The following WDR62 variants were observed in gnomAD, a reference collection of about 807,000 sequenced individuals.
WDR62 encodes the protein WD repeat-containing protein 62.
In WDR62, 112 loss-of-function variants were observed where a neutral mutation model predicts 160.6. The ratio of observed to expected loss-of-function variants is 0.70; its 90% confidence interval spans 0.60 to 0.82. The LOEUF (loss-of-function observed/expected upper bound fraction) is 0.82, where lower values mean the gene tolerates loss of function less well. WDR62 is among the 40% of genes least tolerant of loss of function. The pLI, the probability that WDR62 is intolerant of heterozygous loss-of-function variation, is 0.00. For synonymous variants in WDR62, 792 were observed against 815.1 expected (o/e 0.97, Z 0.48); for missense variants, 1,819 against 1,983.8 (o/e 0.92, Z 1.58).
At chr19:36,055,470 C>T (rs1410634275) in intron 1 of WDR62, among the ~76,000 whole-genome samples, 2 of 152,214 alleles carry the variant, frequency 1.3e-5, no homozygotes, top group African/African-American at 4.8e-5. Context: ...TTAGACGTCA[C>T]GATCATAGCT....
chr19:36,061,594 TCA>T (rs1970648980), intron 3 of WDR62: 1 of 152,232 alleles, frequency 6.6e-6, no homozygotes, highest in African/African-American at 2.4e-5. Flanking sequence ...GGCCAGTTCC[TCA>T]CACCTGTGTT....
chr19:36,108,513 C>G (rs887888074), downstream of WDR62, among the ~76,000 whole-genome samples: 4 of 149,690 alleles, frequency 2.7e-5, no homozygotes, highest in African/African-American at 5.1e-5. Context: ...CACCTGAAAC[C>G]CCATTTTGCA....
Position 36,067,873 on chromosome 19 carries a change from G to T in WDR62, c.745G>T (p.Glu249Ter), listed in dbSNP as rs149143413. Residue 249 changes from glutamate to a stop codon, truncating the protein, a stop_gained, in exon 7 of 32, where the codon GAG becomes TAG. Transcript: ENST00000401500. LOFTEE classifies it high-confidence loss of function. ...TGTAGGGCGCTCGGGCATCCTGGGC[G>T]AGCTGCACAACAACATCTTCTGTGG... The part of the protein sequence containing the change: ...PLVGRSGILG[E>*]LHNNIFCGVA... 4 of 1,614,222 alleles carry T rather than the reference G, an allele frequency of 2.5e-6. No individual in the cohort carries two copies. The highest frequency in any genetic ancestry group is 3.4e-6 in the Non-Finnish European group (4 of 1,180,044).
chr19:36,067,931 G>T lies in WDR62; in HGVS notation c.803G>T (p.Ser268Ile), dbSNP rs756848014. The T allele has an allele frequency of 5.0e-6, 8 of 1,614,082 alleles. No homozygotes were observed. The East Asian group carries it at 1.3e-4, about 27-fold the overall frequency. The change falls in exon 7 of 32, where the codon AGT (serine) becomes ATT (isoleucine). Residue 268 changes from serine (S) to isoleucine (I), a missense_variant. Physicochemically the swap from Ser to Ile is moderately radical, Grantham distance 142 (BLOSUM62 -2). Around this residue, in one of 3 missense-constraint regions of WDR62, gnomAD observed 934 missense variants for 1,157.2 expected, o/e 0.81. Transcript: ENST00000401500. Reference sequence around the variant, plus strand: ...TGCGGTCGGGGCCGGATGGCGGGCAGTACCTTCTGTGTGTCCTACTCGGGC... The same window carrying T: ...TGCGGTCGGGGCCGGATGGCGGGCATTACCTTCTGTGTGTCCTACTCGGGC... ...VACGRGRMAG[S>I]TFCVSYSGLL...
In WDR62 at chr19:36,073,467, A is replaced by T. The variant is rs781151383; in HGVS notation, c.1169A>T (p.Asp390Val). The T allele has an allele frequency of 1.9e-6, 3 of 1,614,094 alleles. No homozygotes were observed. Among genetic ancestry groups the T allele is most frequent in the Non-Finnish European group, 2.5e-6 (3 of 1,180,016 alleles). Residue 390 changes from aspartate to valine, a missense_variant, in exon 9 of 32, where the codon GAC becomes GTC. Physicochemically the swap from Asp to Val is radical, Grantham distance 152 (BLOSUM62 -3). Transcript: ENST00000401500. ...AGCATCTACATCTGGGATGTCAAGG[A>T]CATCAACAGAGTGGGCAAGGTGTGG... ...DHSIYIWDVK[D>V]INRVGKVWSE...
chr19:36,084,880 T>C (rs1972118048), intron 12 of WDR62, 136 bp downstream of exon 12: 1 of 793,102 alleles, frequency 1.3e-6, no homozygotes, highest in African/African-American at 1.7e-5. Context: ...AGGGCCCCTG[T>C]AGCTGGACCC....
chr19:36,092,664 G>C, intron 18 of WDR62, 25 bp from the exon 19 acceptor site: 1 of 1,613,668 alleles, frequency 6.2e-7, no homozygotes, highest in Non-Finnish European at 8.5e-7. Context: ...CCTCTGCCTT[G>C]TGTGTCTCTC....
At chr19:36,060,374 G>A (rs1306015649) in intron 3 of WDR62, 7 of 319,480 alleles carry the variant, frequency 2.2e-5, no homozygotes, top group East Asian at 6.4e-5. Context: ...CTCAGGGAAC[G>A]CTGCCTTGAC....
chr19:36,089,846 G>A (rs966595545), intron 15 of WDR62, among the ~76,000 whole-genome samples: 3 of 152,204 alleles, frequency 2.0e-5, no homozygotes, highest in African/African-American at 7.2e-5. Flanking sequence ...GGATGACTAA[G>A]GTGCTGATGT....
Position 36,067,926 on chromosome 19 carries a change from G to A in WDR62, c.798G>A (p.Ala266=), listed in dbSNP as rs777355565. The stretch of plus-strand genomic sequence containing the variant: ...TGGCCTGCGGTCGGGGCCGGATGGC[G>A]GGCAGTACCTTCTGTGTGTCCTACT... ...CGVACGRGRM[A]GSTFCVSYSG... The change falls in exon 7 of 32, where the codon GCG becomes GCA. Residue 266 remains alanine (A), a synonymous_variant. Coordinates refer to ENST00000401500, the MANE Select transcript of WDR62 (RefSeq NM_001083961.2). The A allele has an allele frequency of 1.4e-5, 23 of 1,614,044 alleles. No homozygotes were observed. In the Middle Eastern group the frequency reaches 4.9e-4, roughly 35 times the overall value.
At chr19:36,094,411 G>C (rs1020673861) in intron 20 of WDR62, among the ~76,000 whole-genome samples, 1 of 151,764 alleles carries the variant, frequency 6.6e-6, no homozygotes, top group East Asian at 1.9e-4. Context: ...AAAATTAGCC[G>C]GGCGTGGTGG....
At chr19:36,067,805 C>G (rs909023395) in intron 6 of WDR62, 23 bp from the exon 7 acceptor site, 3 of 1,612,866 alleles carry the variant, frequency 1.9e-6, no homozygotes, top group Non-Finnish European at 2.5e-6. Context: ...ACAAGTATCT[C>G]ACTACGCCCT....
chr19:36,097,830 G>C (rs1973064995), intron 21 of WDR62, among the ~76,000 whole-genome samples: 1 of 151,940 alleles, frequency 6.6e-6, no homozygotes, highest in African/African-American at 2.4e-5. Context: ...GATGCAGGGA[G>C]CTGCACTCCA....
intron 30 of WDR62, among the ~76,000 whole-genome samples, chr19:36,104,237 G>A (rs1973594257): frequency 6.6e-6 from 1 of 152,220 alleles, no homozygotes; most frequent in Non-Finnish European, 1.5e-5. Flanking sequence ...TAAGGAACCC[G>A]TCATATGTAT....
At chr19:36,097,704 T>C (rs1389700012) in intron 21 of WDR62, among the ~76,000 whole-genome samples, 2 of 151,914 alleles carry the variant, frequency 1.3e-5, no homozygotes, top group Admixed American at 6.6e-5. Context: ...AGCAATATAG[T>C]GAGACCCCAT....
intron 21 of WDR62, among the ~76,000 whole-genome samples, chr19:36,098,854 C>A (rs79605776): frequency 0.036 from 5,447 of 152,168 alleles, 141 homozygotes; most frequent in East Asian, 0.11. Context: ...TTTGGGAGGC[C>A]GAAACAGGAT....
At chr19:36,111,010 G>C in the WDR62 span, 2 of 585,698 alleles carry the variant, frequency 3.4e-6, no homozygotes, top group Non-Finnish European at 6.0e-6. Flanking sequence ...CCTGGGAGAA[G>C]ATGGGCAGGT....
At chr19:36,104,704 G>GT (rs1973634363) in intron 31 of WDR62, 29 bp downstream of exon 31, 1 of 1,613,964 alleles carries the variant, frequency 6.2e-7, no homozygotes, top group South Asian at 1.1e-5. Context: ...TTGGGAAAGG[G>GT]TTGAGGGGTC....
At chr19:36,101,435 C>A (rs542037106) in intron 24 of WDR62, 118 bp downstream of exon 24, 2 of 986,524 alleles carry the variant, frequency 2.0e-6, no homozygotes, top group Non-Finnish European at 3.2e-6. Flanking sequence ...GAGGAAGACA[C>A]ATGTGGTCCC....
Sources: gnomAD v4.1 joint callset for allele counts (sites outside exome capture counted in the v4.1 genomes callset) on GRCh38, gnomAD v4.1.1 for gene constraint, gnomAD v4.1.1 regional missense constraint, MANE v1.5 for transcripts, NCBI Gene and HGNC (gene_info 2026-07-23, HGNC 2026-07-21) for gene names.